Variants in RPS6KA6 observed in about 807,000 individuals in gnomAD.
The protein encoded by RPS6KA6 is ribosomal protein S6 kinase A6.
RPS6KA6 carries 27 observed loss-of-function variants against 65.4 expected under a neutral mutation model. The observed-to-expected ratio is 0.41, with a 90% CI of 0.30 to 0.57. The LOEUF is 0.57. Among genes scored for constraint, RPS6KA6 ranks in the 20% least tolerant of loss-of-function variants. The pLI, the probability that RPS6KA6 is intolerant of heterozygous loss-of-function variation, is 0.24. For synonymous variants in RPS6KA6, 190 were observed against 184.2 expected, an observed-to-expected ratio of 1.03 and a Z score of -0.26; for missense variants, 486 against 555.6, an observed-to-expected ratio of 0.87 and a Z score of 1.26.
chrX:84,167,837 T>A (rs1168273173), intron 1 of RPS6KA6, among the ~76,000 whole-genome samples: 1 of 111,023 alleles, frequency 9.0e-6, no homozygotes, highest in Admixed American at 9.6e-5. Context: ...CAACTCTTTA[T>A]CTGGATTGTG....
chrX:84,156,904 C>T (rs1291253246), intron 2 of RPS6KA6, among the ~76,000 whole-genome samples: 2 of 111,611 alleles, frequency 1.8e-5, no homozygotes. Context: ...GGATGACAGA[C>T]GTATATCACA....
In RPS6KA6 at chrX:84,062,587, A is replaced by T. The variant is rs5922906; in HGVS notation, c.*1690T>A. 5.4e-5 allele frequency: 6 copies of T among 110,416 alleles called. No individual in the cohort carries two copies. The highest frequency in any genetic ancestry group is 9.5e-5 in the Non-Finnish European group (5 of 52,673). 9.1% of individuals were successfully genotyped at this position (110,416 alleles called of 1,213,427 possible). ...TATTTTTCATGTGGCATAAATTGTTATTTAATCTCTTTCAATTATTTCCAA... is the reference window on the plus strand; with the variant it reads ...TATTTTTCATGTGGCATAAATTGTTTTTTAATCTCTTTCAATTATTTCCAA... On this transcript the variant is annotated 3_prime_UTR_variant, in exon 22 of 22. Coordinates refer to ENST00000262752, the MANE Select transcript of RPS6KA6 (RefSeq NM_014496.5).
intron 1 of RPS6KA6, among the ~76,000 whole-genome samples, chrX:84,167,236 A>C (rs539562985): frequency 8.9e-6 from 1 of 112,362 alleles, no homozygotes; most frequent in Admixed American, 9.4e-5. Context: ...AAACATGTTA[A>C]GACACAAATC....
chrX:84,100,812 A>G (rs1484238083), intron 18 of RPS6KA6, among the ~76,000 whole-genome samples: 2 of 111,102 alleles, frequency 1.8e-5, no homozygotes, highest in Admixed American at 9.6e-5. Flanking sequence ...AGATTAAATC[A>G]CATTCTCCGG....
intron 20 of RPS6KA6, among the ~76,000 whole-genome samples, chrX:84,087,581 C>G (rs912922046): frequency 1.8e-5 from 2 of 111,042 alleles, no homozygotes; most frequent in Non-Finnish European, 3.8e-5. Context: ...CTCTGGCTAC[C>G]CTTAACATTT....
chrX:84,098,936 T>C (rs1347399185), intron 18 of RPS6KA6, among the ~76,000 whole-genome samples: 1 of 111,391 alleles, frequency 9.0e-6, no homozygotes, highest in African/African-American at 3.2e-5. Context: ...CATATCATGG[T>C]AAATGTTAAC....
intron 1 of RPS6KA6, among the ~76,000 whole-genome samples, chrX:84,168,292 G>A (rs950318784): frequency 2.7e-5 from 3 of 111,203 alleles, no homozygotes; most frequent in African/African-American, 6.5e-5. Context: ...CATGATTCAC[G>A]TTTACTCAGT....
chrX:84,058,411 T>G lies in RPS6KA6; in HGVS notation c.*5866A>C, dbSNP rs1260007676. ...AGAATGCCAGTAATTTAACATATCT[T>G]GAGAACTGTTGCTCACAGAGTTTTA... is the stretch of plus-strand genomic sequence containing the variant. On this transcript the variant is annotated 3_prime_UTR_variant, in exon 22 of 22. Coordinates refer to ENST00000262752, the MANE Select transcript of RPS6KA6 (RefSeq NM_014496.5). 1 of 112,187 alleles carries G rather than the reference T, an allele frequency of 8.9e-6. No homozygotes were observed. Among genetic ancestry groups the G allele is most frequent in the Non-Finnish European group, 1.9e-5 (1 of 53,258 alleles). The allele number at this position is 112,187 out of a possible 1,213,427, so 9.2% of individuals were successfully genotyped here. A position where few individuals can be genotyped will look rare whatever the true frequency, so the allele number is the denominator to read the frequency against.
chrX:84,090,049 TA>T (rs1177189175), intron 20 of RPS6KA6, among the ~76,000 whole-genome samples: 3 of 112,382 alleles, frequency 2.7e-5, no homozygotes, highest in Non-Finnish European at 5.6e-5. Context: ...AATTCCAAAT[TA>T]AAGTTTGGAA....
chrX:84,094,095 G>A (rs1373043770), intron 20 of RPS6KA6, among the ~76,000 whole-genome samples: 1 of 110,195 alleles, frequency 9.1e-6, no homozygotes, highest in African/African-American at 3.3e-5. Context: ...TTAGTAATAG[G>A]AGACTGGTAT....
intron 8 of RPS6KA6, among the ~76,000 whole-genome samples, chrX:84,123,879 G>A (rs1249403040): frequency 1.8e-5 from 2 of 111,283 alleles, no homozygotes; most frequent in African/African-American, 3.3e-5. Context: ...AGTGAGCCAA[G>A]GTCGAGACCC....
chrX:84,146,328 A>G (rs1364964685), intron 5 of RPS6KA6, among the ~76,000 whole-genome samples: 1 of 111,959 alleles, frequency 8.9e-6, no homozygotes, highest in Admixed American at 9.5e-5. Context: ...TTACACTAAG[A>G]ATAAAATCAA....
chrX:84,153,023 G>A (rs1469725287), intron 3 of RPS6KA6, among the ~76,000 whole-genome samples: 1 of 111,303 alleles, frequency 9.0e-6, no homozygotes, highest in South Asian at 3.7e-4. Context: ...TCACATGGAC[G>A]TTTATATTTT....
At chrX:84,156,410 A>G in intron 2 of RPS6KA6, among the ~76,000 whole-genome samples, 1 of 111,012 alleles carries the variant, frequency 9.0e-6, no homozygotes, top group East Asian at 2.8e-4. Context: ...TGTAAATAAA[A>G]TGTAAAAAGA....
At chrX:84,105,060 C>T (rs1424128697) in intron 16 of RPS6KA6, among the ~76,000 whole-genome samples, 1 of 110,588 alleles carries the variant, frequency 9.0e-6, no homozygotes, top group Non-Finnish European at 1.9e-5. Context: ...ATACCCTTCC[C>T]TCAGTTCATT....
intron 20 of RPS6KA6, among the ~76,000 whole-genome samples, chrX:84,075,872 A>T (rs1181071542): frequency 4.5e-5 from 5 of 112,309 alleles, no homozygotes; most frequent in Non-Finnish European, 7.5e-5. Flanking sequence ...GAAGAAAATT[A>T]TAAATGTTTA....
rs1291344912 is a variant in RPS6KA6, at chrX:84,062,560, ATTATTTTTCATG to A, written c.*1705_*1716del. ...CATGATACCTAACTACTTCTAAGTA[ATTATTTTTCATG>A]TGGCATAAATTGTTATTTAATCTCT... On this transcript the variant is annotated 3_prime_UTR_variant, in exon 22 of 22. Coordinates refer to ENST00000262752, the MANE Select transcript of RPS6KA6 (RefSeq NM_014496.5). 1 of 111,777 alleles carries A rather than the reference ATTATTTTTCATG, an allele frequency of 8.9e-6. No individual in the cohort carries two copies. The highest frequency in any genetic ancestry group is 1.9e-5 in the Non-Finnish European group (1 of 53,014). The allele number at this position is 111,777 out of a possible 1,213,427, so 9.2% of individuals were successfully genotyped here.
intron 2 of RPS6KA6, among the ~76,000 whole-genome samples, chrX:84,157,148 A>G (rs893397396): frequency 3.6e-5 from 4 of 111,771 alleles, no homozygotes; most frequent in African/African-American, 1.3e-4. Context: ...GAACAAGAGT[A>G]TGGTCCCAAA....
In RPS6KA6 at chrX:84,059,109, C is replaced by CTTTTCT. The variant is rs2033257122; in HGVS notation, c.*5162_*5167dup. The CTTTTCT allele has an allele frequency of 4.5e-5, 1 of 22,452 alleles. No individual in the cohort carries two copies. The highest frequency in any genetic ancestry group is 1.1e-3 in the East Asian group (1 of 920). 1.9% of individuals were successfully genotyped at this position (22,452 alleles called of 1,213,427 possible). A position where few individuals can be genotyped will look rare whatever the true frequency, so the allele number is the denominator to read the frequency against. On this transcript the variant is annotated 3_prime_UTR_variant, in exon 22 of 22. Coordinates refer to ENST00000262752, the MANE Select transcript of RPS6KA6 (RefSeq NM_014496.5). ...TGTGTAACTTTTTAAATGGCTGTTT[C>CTTTTCT]TTTTCTTTTTTTTTTTTTTTTTTTT... is the stretch of plus-strand genomic sequence containing the variant.
Sources: allele counts gnomAD v4.1 joint callset (sites outside exome capture counted in the v4.1 genomes callset), GRCh38; gene constraint gnomAD v4.1.1; transcripts MANE v1.5; gene names NCBI Gene and HGNC (gene_info 2026-07-23, HGNC 2026-07-21).